Variants in AXL observed in about 807,000 individuals in gnomAD.
AXL encodes the protein AXL receptor tyrosine kinase.
In AXL, 52 loss-of-function variants were observed where a neutral mutation model predicts 104.5. The observed-to-expected ratio is 0.50, with a 90% CI of 0.40 to 0.63. AXL has a LOEUF of 0.63. Ranked by LOEUF, AXL falls within the 20% of genes least tolerant of loss-of-function variation. The pLI, the probability that AXL is intolerant of heterozygous loss-of-function variation, is 0.00. For synonymous variants in AXL, 455 were observed against 473.7 expected, an observed-to-expected ratio of 0.96 and a Z score of 0.51; for missense variants, 1,024 against 1,188.5, an observed-to-expected ratio of 0.86 and a Z score of 2.04.
intron 10 of AXL, among the ~76,000 whole-genome samples, chr19:41,240,409 TG>T (rs1195455651): frequency 2.6e-5 from 4 of 151,774 alleles, no homozygotes; most frequent in Non-Finnish European, 5.9e-5. Context: ...GATGAATGGA[TG>T]GTTGGATAAA....
At chr19:41,253,782 A>C in intron 17 of AXL, 74 bp downstream of exon 17, 1 of 1,230,390 alleles carries the variant, frequency 8.1e-7, no homozygotes, top group Non-Finnish European at 1.2e-6. Flanking sequence ...CCTCCTTCTT[A>C]GGATGGAAGC....
At position 41,248,493 on chromosome 19, in the gene AXL, C is replaced by G. The variant is rs760949369; in HGVS notation, c.1538-21C>G. On this transcript the variant is annotated intron_variant, in intron 12 of 19. Transcript: ENST00000301178. ...TGTCAGCCCTGCTCCATGACTCTGT[C>G]CACCCCAACCTTGCATGCAGTGAAC... is the stretch of plus-strand genomic sequence containing the variant. 1.9e-6 allele frequency: 3 copies of G among 1,612,524 alleles called. No homozygotes were observed. In the East Asian group the frequency reaches 6.7e-5, roughly 36 times the overall value.
intron 7 of AXL, 25 bp downstream of exon 7, chr19:41,238,179 G>T (rs752897557): frequency 6.2e-7 from 1 of 1,609,216 alleles, no homozygotes; most frequent in Non-Finnish European, 8.5e-7. Flanking sequence ...GGAGGGACAC[G>T]TCACCACTGC....
intron 4 of AXL, among the ~76,000 whole-genome samples, chr19:41,224,876 T>C (rs935112109): frequency 1.3e-5 from 2 of 152,194 alleles, no homozygotes; most frequent in Non-Finnish European, 2.9e-5. Context: ...TCTGAGTACA[T>C]GACCTAAGGA....
chr19:41,243,008 C>T lies in AXL; in HGVS notation c.1438C>T (p.Arg480Cys), dbSNP rs766672148. ...FLVHRRKKET[R>C]YGEVFEPTVE... ...TGTCCACCGGCGAAAGAAGGAGACC[C>T]GTTATGGGTGAGTTGGAACCACATG... is the stretch of plus-strand genomic sequence containing the variant. The change falls in exon 11 of 20, where the codon CGT (arginine) becomes TGT (cysteine). Residue 480 changes from arginine to cysteine, a missense_variant. Coordinates refer to ENST00000301178, the MANE Select transcript of AXL (RefSeq NM_021913.5). 8.7e-6 allele frequency: 14 copies of T among 1,613,972 alleles called. No homozygotes were observed. Among genetic ancestry groups the T allele is most frequent in the African/African-American group, 1.3e-5 (1 of 74,888 alleles).
At chr19:41,235,340 A>G (rs1441906889) in intron 6 of AXL, among the ~76,000 whole-genome samples, 1 of 151,890 alleles carries the variant, frequency 6.6e-6, no homozygotes, top group East Asian at 1.9e-4. Context: ...AACAAGAGCG[A>G]AACTCCATCT....
At chr19:41,247,477 TG>T (rs1464467943) in intron 12 of AXL, among the ~76,000 whole-genome samples, 1 of 151,648 alleles carries the variant, frequency 6.6e-6, no homozygotes, top group African/African-American at 2.4e-5. Context: ...CACTCCAGCC[TG>T]GGCAACAGGA....
chr19:41,253,748 T>G (rs1425578661), intron 17 of AXL, 40 bp downstream of exon 17: 2 of 1,470,820 alleles, frequency 1.4e-6, no homozygotes, highest in African/African-American at 1.4e-5. Flanking sequence ...CAACTGCTCC[T>G]GCACTCCCTG....
At chr19:41,227,471 A>G (rs1568409500) in intron 4 of AXL, among the ~76,000 whole-genome samples, 1 of 141,778 alleles carries the variant, frequency 7.1e-6, no homozygotes, top group Non-Finnish European at 1.5e-5. Flanking sequence ...AGCCATCACT[A>G]TTTTGCACCC....
At position 41,259,275 on chromosome 19, in the gene AXL, G is replaced by C. The variant is rs141427497; in HGVS notation, c.2334-278G>C. 3.3e-5 allele frequency among the ~76,000 whole-genome samples: 5 copies of C among 152,234 alleles called. No homozygotes were observed. The East Asian group carries it at 9.7e-4, about 29-fold the overall frequency. ...GGCTTTGATGCAAGTCTGTTCTGGGGAGCTGGAAGGTCTGTTCTAGCAAAC... is the reference window on the plus strand; with the variant it reads ...GGCTTTGATGCAAGTCTGTTCTGGGCAGCTGGAAGGTCTGTTCTAGCAAAC... On this transcript the variant is annotated intron_variant, in intron 19 of 19. Transcript: ENST00000301178.
At chr19:41,239,403 A>G in intron 9 of AXL, 89 bp downstream of exon 9, 1 of 1,502,216 alleles carries the variant, frequency 6.7e-7, no homozygotes. Context: ...TGTTACCGCA[A>G]CTTAGGCCCT....
chr19:41,258,467 C>G (rs2034487425), intron 19 of AXL, among the ~76,000 whole-genome samples: 1 of 152,248 alleles, frequency 6.6e-6, no homozygotes, highest in Non-Finnish European at 1.5e-5. Context: ...GTCGCCCAGG[C>G]TGGAGCACAA....
intron 6 of AXL, among the ~76,000 whole-genome samples, chr19:41,235,330 A>G (rs1329690706): frequency 1.3e-5 from 2 of 152,050 alleles, no homozygotes; most frequent in East Asian, 3.9e-4. Context: ...CAGCCTGGGC[A>G]ACAAGAGCGA....
Position 41,261,245 on chromosome 19 carries a change from G to A in AXL, c.*1341G>A, listed in dbSNP as rs538683037. 1.3e-5 allele frequency: 2 copies of A among 152,436 alleles called. No homozygotes were observed. The highest frequency in any genetic ancestry group is 6.6e-5 in the Admixed American group (1 of 15,238). 9.4% of individuals were successfully genotyped at this position (152,436 alleles called of 1,614,324 possible). ...CTAGATTCCATTGGTCCAAGATTCC[G>A]GATCCTAAGCATCTAAGTTATAAGA... On this transcript the variant is annotated 3_prime_UTR_variant, in exon 20 of 20. Coordinates refer to ENST00000301178, the MANE Select transcript of AXL (RefSeq NM_021913.5).
At position 41,257,549 on chromosome 19, in the gene AXL, G is replaced by C; in HGVS notation, c.2253G>C (p.Pro751=). The C allele has an allele frequency of 1.2e-6, 2 of 1,614,118 alleles. No homozygotes were observed. The highest frequency in any genetic ancestry group is 1.7e-6 in the Non-Finnish European group (2 of 1,180,024). The part of the protein sequence containing the change: ...EIATRGQTPY[P]GVENSEIYDY... ...CCACAAGAGGCCAAACCCCATATCC[G>C]GGCGTGGAGAACAGCGAGATTTATG... The change falls in exon 19 of 20, where the codon CCG becomes CCC. Residue 751 remains proline (P), a synonymous_variant. Coordinates refer to ENST00000301178, the MANE Select transcript of AXL (RefSeq NM_021913.5).
In AXL at chr19:41,243,644, G is replaced by C. The variant is rs780942273; in HGVS notation, c.1474G>C (p.Gly492Arg). 6.2e-7 allele frequency: 1 copy of C among 1,614,074 alleles called. No individual in the cohort carries two copies. The highest frequency in any genetic ancestry group is 8.5e-7 in the Non-Finnish European group (1 of 1,180,002). ...GEVFEPTVER[G>R]ELVVRYRVRK... ...AGTGTTTGAACCAACAGTGGAAAGA[G>C]GTGAACTGGTAGTCAGGTACCGCGT... Residue 492 changes from glycine to arginine, a missense_variant, in exon 12 of 20, where the codon GGT becomes CGT. By Grantham distance (125) the Gly-to-Arg change is moderately radical. Transcript: ENST00000301178.
intron 4 of AXL, among the ~76,000 whole-genome samples, chr19:41,228,618 A>G (rs888121822): frequency 3.3e-5 from 5 of 152,174 alleles, no homozygotes; most frequent in Non-Finnish European, 7.3e-5. Context: ...ACATGCTCAT[A>G]TTTCTACACC....
At chr19:41,235,375 TA>T (rs1053128172) in intron 6 of AXL, among the ~76,000 whole-genome samples, 31 of 41,404 alleles carry the variant, frequency 7.5e-4, no homozygotes, top group African/African-American at 3.6e-3. Context: ...AATAAATAGA[TA>T]GATAGATAGA....
chr19:41,256,336 C>T (rs1170329202), intron 17 of AXL, 116 bp from the exon 18 acceptor site: 5 of 1,262,976 alleles, frequency 4.0e-6, no homozygotes, highest in Non-Finnish European at 5.6e-6. Context: ...AGACAGATCC[C>T]CACCCGCAGC....
Sources: gnomAD v4.1 joint callset for allele counts (sites outside exome capture counted in the v4.1 genomes callset) on GRCh38, gnomAD v4.1.1 for gene constraint, MANE v1.5 for transcripts, NCBI Gene and HGNC (gene_info 2026-07-23, HGNC 2026-07-21) for gene names.